The following KIN variants were observed in gnomAD, a reference collection of about 807,000 sequenced individuals.
KIN encodes the protein Kin17 DNA and RNA binding protein.
In KIN, 47 loss-of-function variants were observed where a neutral mutation model predicts 63.0. The ratio of observed to expected loss-of-function variants is 0.75; its 90% confidence interval spans 0.59 to 0.95. The LOEUF (loss-of-function observed/expected upper bound fraction) is 0.95, where lower values mean the gene tolerates loss of function less well. KIN is among the 40% of genes least tolerant of loss of function. The pLI, the probability that KIN is intolerant of heterozygous loss-of-function variation, is 0.00. For synonymous variants in KIN, 160 were observed against 157.7 expected (o/e 1.01, Z -0.11); for missense variants, 408 against 460.9 (o/e 0.89, Z 1.05).
intron 8 of KIN, among the ~76,000 whole-genome samples, chr10:7,767,719 C>T (rs1326664378): frequency 6.6e-6 from 1 of 151,950 alleles, no homozygotes; most frequent in East Asian, 1.9e-4. Context: ...ATTAGCCAGG[C>T]ATGGTGGCGG....
At chr10:7,783,461 A>G (rs960283654) in intron 1 of KIN, among the ~76,000 whole-genome samples, 8 of 152,192 alleles carry the variant, frequency 5.3e-5, no homozygotes, top group Non-Finnish European at 1.2e-4. Context: ...AACAGAAGAG[A>G]GATTCCATTT....
rs758301079 is a variant in KIN, at chr10:7,751,202, C to T, written c.*4878G>A. 10 of 152,116 alleles carry T rather than the reference C, an allele frequency of 6.6e-5. No homozygotes were observed. Among genetic ancestry groups the T allele is most frequent in the African/African-American group, 2.2e-4 (9 of 41,442 alleles). The allele number at this position is 152,116 out of a possible 1,614,324, so 9.4% of individuals were successfully genotyped here. On this transcript the variant is annotated 3_prime_UTR_variant, in exon 13 of 13. Transcript: ENST00000379562. ...TTAAAAAATCAATTCCTAAAATGAA[C>T]GTATTTTCAAAAGTCAAATTGGTGA...
rs766340242 is a variant in KIN, at chr10:7,787,944, G to A, written c.-11C>T. On this transcript the variant is annotated 5_prime_UTR_variant, in exon 1 of 13. Coordinates refer to ENST00000379562, the MANE Select transcript of KIN (RefSeq NM_012311.4). ...ATCCGACTTCCCCATGGCGACCACG[G>A]CAGCGATCACTTTCTGGACCCCAGT... The A allele has an allele frequency of 1.9e-6, 3 of 1,593,280 alleles. No homozygotes were observed. The highest frequency in any genetic ancestry group is 2.6e-6 in the Non-Finnish European group (3 of 1,160,962).
In KIN at chr10:7,778,759, A is replaced by AACAAC. The variant is rs1564323396; in HGVS notation, c.558+78_558+79insGTTGT. On this transcript the variant is annotated intron_variant, in intron 5 of 12. Transcript: ENST00000379562. The stretch of plus-strand genomic sequence containing the variant: ...ATCTCCAAAACAACAACAACAACAA[A>AACAAC]AACAAAAAAGAAAAACCAAGCCATT... 186 of 1,014,210 alleles carry AACAAC rather than the reference A, an allele frequency of 1.8e-4. 1 individual carries two copies. The East Asian group carries it at 5.7e-3, about 31-fold the overall frequency. The allele number at this position is 1,014,210 out of a possible 1,614,324, so 62.8% of individuals were successfully genotyped here. A position where few individuals can be genotyped will look rare whatever the true frequency, so the allele number is the denominator to read the frequency against.
At chr10:7,780,573 A>G (rs1172689842) in intron 2 of KIN, among the ~76,000 whole-genome samples, 1 of 151,466 alleles carries the variant, frequency 6.6e-6, no homozygotes. Context: ...TTTGTTTCGT[A>G]TTTTTCGTAG....
In KIN at chr10:7,753,250, T is replaced by C. The variant is rs922113848; in HGVS notation, c.*2830A>G. On this transcript the variant is annotated 3_prime_UTR_variant, in exon 13 of 13. Transcript: ENST00000379562. ...ATTTTTTATTGAATTTAACCTCAAG[T>C]ATGCTGCCTCATTTCATTCTGAAAT... 2.0e-5 allele frequency: 3 copies of C among 152,242 alleles called. No individual in the cohort carries two copies. The highest frequency in any genetic ancestry group is 4.4e-5 in the Non-Finnish European group (3 of 68,036). 9.4% of individuals were successfully genotyped at this position (152,242 alleles called of 1,614,324 possible).
chr10:7,783,762 C>CA (rs912533550), intron 1 of KIN, among the ~76,000 whole-genome samples: 1 of 151,996 alleles, frequency 6.6e-6, no homozygotes, highest in African/African-American at 2.4e-5. Flanking sequence ...GTAATAGAAA[C>CA]AAAAAATGTG....
In KIN at chr10:7,776,324, T is replaced by C. The variant is rs927051478; in HGVS notation, c.559-525A>G. On this transcript the variant is annotated intron_variant, in intron 5 of 12. Coordinates refer to ENST00000379562, the MANE Select transcript of KIN (RefSeq NM_012311.4). ...GCGAGGCCAAGGCAGGTGGATCACC[T>C]GAGGTCAGGCATTCGAGATGAGCCT... is the stretch of plus-strand genomic sequence containing the variant. Among the ~76,000 whole-genome samples the C allele has an allele frequency of 4.0e-5, 6 of 148,388 alleles. No individual in the cohort carries two copies. In the East Asian group the frequency reaches 1.2e-3, roughly 29 times the overall value.
chr10:7,774,601 A>G (rs901974041), intron 7 of KIN, among the ~76,000 whole-genome samples: 2 of 151,952 alleles, frequency 1.3e-5, no homozygotes, highest in Admixed American at 1.3e-4. Context: ...CTGAGGCAGG[A>G]AGATCACCTT....
At chr10:7,779,772 G>A (rs1407798730) in intron 4 of KIN, among the ~76,000 whole-genome samples, 1 of 152,126 alleles carries the variant, frequency 6.6e-6, no homozygotes, top group Non-Finnish European at 1.5e-5. Context: ...GTGAATTTTG[G>A]TTATCAGCAA....
At chr10:7,763,432 T>C (rs904503607) in intron 10 of KIN, among the ~76,000 whole-genome samples, 19 of 152,156 alleles carry the variant, frequency 1.2e-4, no homozygotes, top group African/African-American at 4.3e-4. Flanking sequence ...ATAAAGTACA[T>C]TTTACTGACA....
intron 9 of KIN, among the ~76,000 whole-genome samples, chr10:7,765,251 A>T (rs551138831): frequency 1.1e-3 from 162 of 151,990 alleles, no homozygotes; most frequent in African/African-American, 3.8e-3. Flanking sequence ...ACTTGAGGCT[A>T]CTATGTTGAC....
chr10:7,782,603 T>C (rs1284977391), intron 2 of KIN, among the ~76,000 whole-genome samples: 1 of 152,076 alleles, frequency 6.6e-6, no homozygotes, highest in Non-Finnish European at 1.5e-5. Context: ...TTTGTCATCT[T>C]GGCCACGCTG....
chr10:7,787,255 T>C (rs911525423), intron 1 of KIN, among the ~76,000 whole-genome samples: 1 of 152,226 alleles, frequency 6.6e-6, no homozygotes, highest in Non-Finnish European at 1.5e-5. Context: ...GGTTGGTAAG[T>C]GGCCCTGCTT....
Position 7,751,532 on chromosome 10 carries a change from G to A in KIN, c.*4548C>T, listed in dbSNP as rs1835243674. On this transcript the variant is annotated 3_prime_UTR_variant, in exon 13 of 13. Transcript: ENST00000379562. ...GTTCAAGACCAGCCTAAGCAACACA[G>A]TGAGACTCCCATCTCTTTATAGAAA... The A allele has an allele frequency of 6.6e-6, 1 of 152,012 alleles. No homozygotes were observed. The highest frequency in any genetic ancestry group is 1.9e-4 in the East Asian group (1 of 5,190). 9.4% of individuals were successfully genotyped at this position (152,012 alleles called of 1,614,324 possible). A position where few individuals can be genotyped will look rare whatever the true frequency, so the allele number is the denominator to read the frequency against.
At chr10:7,773,430 T>C (rs939497441) in intron 7 of KIN, among the ~76,000 whole-genome samples, 2 of 152,180 alleles carry the variant, frequency 1.3e-5, no homozygotes, top group Non-Finnish European at 2.9e-5. Context: ...TGCATAAAGT[T>C]CTAAAAGTAT....
At chr10:7,767,687 G>A (rs997194321) in intron 8 of KIN, among the ~76,000 whole-genome samples, 11 of 151,788 alleles carry the variant, frequency 7.2e-5, no homozygotes, top group Non-Finnish European at 1.6e-4. Context: ...GTGAAATCCC[G>A]CCTCTACTAA....
At chr10:7,769,169 A>G (rs1412187542) in intron 8 of KIN, 47 bp downstream of exon 8, 2 of 1,522,186 alleles carry the variant, frequency 1.3e-6, no homozygotes, top group Admixed American at 4.3e-5. Context: ...AAATGATTTA[A>G]TTTTCCTTGG....
intron 5 of KIN, among the ~76,000 whole-genome samples, chr10:7,776,386 C>CT (rs909901441): frequency 4.7e-5 from 7 of 149,580 alleles, no homozygotes; most frequent in African/African-American, 1.7e-4. Flanking sequence ...ACTAAAAATA[C>CT]AAAAATTTAG....
Sources: gnomAD v4.1 joint callset for allele counts (sites outside exome capture counted in the v4.1 genomes callset) on GRCh38, gnomAD v4.1.1 for gene constraint, MANE v1.5 for transcripts, NCBI Gene and HGNC (gene_info 2026-07-23, HGNC 2026-07-21) for gene names.